The following CAMK1D variants were observed in gnomAD, a reference collection of about 807,000 sequenced individuals.
CAMK1D encodes the protein calcium/calmodulin dependent protein kinase ID.
Under a neutral mutation model 47.7 loss-of-function variants are expected in CAMK1D, and 9 were observed. The ratio of observed to expected loss-of-function variants is 0.19; its 90% CI spans 0.11 to 0.33. The LOEUF is 0.33. Ranked by LOEUF, CAMK1D falls within the 10% of genes least tolerant of loss-of-function variation. The pLI is 1.00. For missense variants in CAMK1D, 291 were observed against 488.7 expected, an observed-to-expected ratio of 0.60 and a Z score of 3.81; for synonymous variants, 184 against 184.9, an observed-to-expected ratio of 0.99 and a Z score of 0.04.
chr10:12,396,352 A>G (rs1838954737), intron 1 of CAMK1D, among the ~76,000 whole-genome samples: 1 of 152,146 alleles, frequency 6.6e-6, no homozygotes, highest in Non-Finnish European at 1.5e-5. Flanking sequence ...AACTTGGGGA[A>G]CGGTTGCCAA....
intron 3 of CAMK1D, among the ~76,000 whole-genome samples, chr10:12,688,352 C>T (rs1832738363): frequency 1.3e-5 from 2 of 152,122 alleles, no homozygotes; most frequent in African/African-American, 4.8e-5. Context: ...CTGCTTTCAT[C>T]CCCAAAAAAC....
At chr10:12,563,396 T>G (rs1031439206) in intron 2 of CAMK1D, among the ~76,000 whole-genome samples, 2 of 152,214 alleles carry the variant, frequency 1.3e-5, no homozygotes, top group African/African-American at 4.8e-5. Flanking sequence ...TTCCTCTGCC[T>G]TTTTCTTCTA....
At chr10:12,593,991 A>G (rs1463467458) in intron 2 of CAMK1D, among the ~76,000 whole-genome samples, 1 of 152,226 alleles carries the variant, frequency 6.6e-6, no homozygotes, top group Non-Finnish European at 1.5e-5. Flanking sequence ...AGCCTGACCA[A>G]CGTGGTGAAA....
At position 12,414,192 on chromosome 10, in the gene CAMK1D, A is replaced by G. The variant is rs1839766867; in HGVS notation, c.92+64282A>G. ...TTTCCTCCCTCTAAAGAGGAGATAG[A>G]AGGAATGGAGATGGCGAAATAGGAG... On this transcript the variant is annotated intron_variant, in intron 1 of 10. Transcript: ENST00000619168. Among the ~76,000 whole-genome samples, 3 of 152,324 alleles carry G rather than the reference A, an allele frequency of 2.0e-5. No homozygotes were observed. In the South Asian group the frequency reaches 6.2e-4, roughly 32 times the overall value.
intron 1 of CAMK1D, among the ~76,000 whole-genome samples, chr10:12,410,144 C>T (rs1479940641): frequency 6.6e-6 from 1 of 152,188 alleles, no homozygotes; most frequent in African/African-American, 2.4e-5. Flanking sequence ...AAGCACTTCC[C>T]CATAATTCTC....
chr10:12,379,306 A>C (rs1303540934), intron 1 of CAMK1D, among the ~76,000 whole-genome samples: 4 of 152,236 alleles, frequency 2.6e-5, no homozygotes, highest in African/African-American at 7.2e-5. Context: ...ATCTGTCTGC[A>C]TGATGCTGAA....
intron 1 of CAMK1D, among the ~76,000 whole-genome samples, chr10:12,485,374 G>A (rs1178996076): frequency 2.6e-5 from 4 of 152,268 alleles, no homozygotes; most frequent in South Asian, 2.1e-4. Context: ...GGAGCTCCTC[G>A]TGCCCCCTGT....
At chr10:12,565,159 T>C (rs1837081897) in intron 2 of CAMK1D, among the ~76,000 whole-genome samples, 1 of 152,170 alleles carries the variant, frequency 6.6e-6, no homozygotes, top group East Asian at 1.9e-4. Context: ...TTTAGGGAGC[T>C]ATGACTGTGC....
intron 3 of CAMK1D, among the ~76,000 whole-genome samples, chr10:12,669,232 G>A (rs1291600565): frequency 2.8e-5 from 4 of 141,108 alleles, no homozygotes; most frequent in Non-Finnish European, 4.7e-5. Context: ...ACTCTGTCTC[G>A]AAACAAACAA....
chr10:12,690,206 G>C (rs1832822728), intron 3 of CAMK1D, among the ~76,000 whole-genome samples: 1 of 152,302 alleles, frequency 6.6e-6, no homozygotes, highest in African/African-American at 2.4e-5. Context: ...AATATGTGTA[G>C]CCACCATTTA....
At position 12,553,309 on chromosome 10, in the gene CAMK1D, G is replaced by C. The variant is rs1334630808; in HGVS notation, c.177G>C (p.Leu59=). 6.2e-7 allele frequency: 1 copy of C among 1,614,186 alleles called. No individual in the cohort carries two copies. Among genetic ancestry groups the C allele is most frequent in the Non-Finnish European group, 8.5e-7 (1 of 1,180,036 alleles). Reference sequence around the variant, plus strand: ...TGAAGTGTATCCCTAAGAAGGCGCTGAAGGGCAAGGAAAGCAGCATAGAGA... The same window carrying C: ...TGAAGTGTATCCCTAAGAAGGCGCTCAAGGGCAAGGAAAGCAGCATAGAGA... ...FAVKCIPKKA[L]KGKESSIENE... The change falls in exon 2 of 11, where the codon CTG becomes CTC. Residue 59 remains leucine (L), a synonymous_variant. Coordinates refer to ENST00000619168, the MANE Select transcript of CAMK1D (RefSeq NM_153498.4).
chr10:12,765,441 C>T (rs1459759219), intron 4 of CAMK1D, among the ~76,000 whole-genome samples: 3 of 152,156 alleles, frequency 2.0e-5, no homozygotes, highest in African/African-American at 7.2e-5. Context: ...GGCAGGATTC[C>T]TGCTAAAGGC....
chr10:12,525,074 C>A (rs1835575529), intron 1 of CAMK1D, among the ~76,000 whole-genome samples: 1 of 152,012 alleles, frequency 6.6e-6, no homozygotes, highest in South Asian at 2.1e-4. Context: ...TTCCATCATT[C>A]ATGATGAGAA....
At chr10:12,376,143 A>G (rs2997059) in intron 1 of CAMK1D, among the ~76,000 whole-genome samples, 11,908 of 134,742 alleles carry the variant, frequency 0.088, 589 homozygotes, top group Admixed American at 0.095. Context: ...AGCCTGGGTG[A>G]CAGAGGGAGA....
In CAMK1D at chr10:12,411,708, T is replaced by C. The variant is rs370595392; in HGVS notation, c.92+61798T>C. Among the ~76,000 whole-genome samples, 161 of 151,932 alleles carry C rather than the reference T, an allele frequency of 1.1e-3. 1 individual carries two copies. The highest frequency in any genetic ancestry group is 3.6e-3 in the African/African-American group (151 of 41,412). The stretch of plus-strand genomic sequence containing the variant: ...TCACCTTCTGGGTTCAAGCGATTCT[T>C]CTGCCTCAGCCTCCCGAGTAGCTGG... On this transcript the variant is annotated intron_variant, in intron 1 of 10. Coordinates refer to ENST00000619168, the MANE Select transcript of CAMK1D (RefSeq NM_153498.4).
intron 1 of CAMK1D, among the ~76,000 whole-genome samples, chr10:12,464,632 G>A (rs1833537327): frequency 6.6e-6 from 1 of 152,156 alleles, no homozygotes; most frequent in South Asian, 2.1e-4. Context: ...TGACTAACAC[G>A]GTGAAACCCC....
At chr10:12,417,630 C>T (rs1839899637) in intron 1 of CAMK1D, among the ~76,000 whole-genome samples, 1 of 152,122 alleles carries the variant, frequency 6.6e-6, no homozygotes, top group Non-Finnish European at 1.5e-5. Context: ...AGTGTTTCCT[C>T]TACCTCCTGG....
At chr10:12,469,737 A>G (rs1480031993) in intron 1 of CAMK1D, among the ~76,000 whole-genome samples, 1 of 152,222 alleles carries the variant, frequency 6.6e-6, no homozygotes, top group East Asian at 1.9e-4. Context: ...ACAATGTTAT[A>G]TTTTACTTGG....
chr10:12,529,206 A>T (rs1475850783), intron 1 of CAMK1D, among the ~76,000 whole-genome samples: 1 of 152,186 alleles, frequency 6.6e-6, no homozygotes, highest in East Asian at 1.9e-4. Flanking sequence ...CCCGCGGGGA[A>T]CATCCGTGAT....
Sources: allele counts gnomAD v4.1 joint callset (sites outside exome capture counted in the v4.1 genomes callset), GRCh38; gene constraint gnomAD v4.1.1; transcripts MANE v1.5; gene names NCBI Gene and HGNC (gene_info 2026-07-23, HGNC 2026-07-21).